RASGRP1: variants seen among roughly 807,000 people sequenced by gnomAD.
RASGRP1 encodes RAS guanyl releasing protein 1.
Under a neutral mutation model 95.1 loss-of-function variants are expected in RASGRP1, and 37 were observed. The ratio of observed to expected loss-of-function variants is 0.39; its 90% CI spans 0.30 to 0.51. The LOEUF (loss-of-function observed/expected upper bound fraction) is 0.51, where lower values mean the gene tolerates loss of function less well. RASGRP1 is among the 20% of genes least tolerant of loss of function. The pLI is 0.80. For synonymous variants in RASGRP1, 325 were observed against 353.4 expected (o/e 0.92, Z 0.90); for missense variants, 711 against 965.4 (o/e 0.74, Z 3.49).
chr15:38,516,962 T>A (rs1465239410), intron 5 of RASGRP1, among the ~76,000 whole-genome samples: 1 of 152,126 alleles, frequency 6.6e-6, no homozygotes, highest in Non-Finnish European at 1.5e-5. Flanking sequence ...ATTATTTTCT[T>A]GTAATCAACC....
Position 38,559,836 on chromosome 15 carries a change from A to G in RASGRP1, c.205T>C (p.Cys69Arg). 1 of 1,613,834 alleles carries G rather than the reference A, an allele frequency of 6.2e-7. No individual in the cohort carries two copies. The highest frequency in any genetic ancestry group is 8.5e-7 in the Non-Finnish European group (1 of 1,179,724). Residue 69 changes from cysteine (C) to arginine (R), a missense_variant, in exon 2 of 17, where the codon TGC (cysteine) becomes CGC (arginine). Around this residue, in one of 3 missense-constraint regions of RASGRP1, gnomAD observed 491 missense variants for 676.6 expected, o/e 0.73. Transcript: ENST00000310803. Reference sequence around the variant, plus strand: ...GCCAACTTACCAAAAGATTGAATGCAGCTGTCAATGAGATCGTCCAGGCTG... The same window carrying G: ...GCCAACTTACCAAAAGATTGAATGCGGCTGTCAATGAGATCGTCCAGGCTG... ...GASLDDLIDS[C>R]IQSFDADGNL...
intron 15 of RASGRP1, among the ~76,000 whole-genome samples, chr15:38,498,312 A>G (rs1171029095): frequency 6.6e-6 from 1 of 152,214 alleles, no homozygotes; most frequent in African/African-American, 2.4e-5. Context: ...TACTCCTTGC[A>G]GTATGTTTCT....
intron 7 of RASGRP1, 109 bp downstream of exon 7, chr15:38,512,674 A>G (rs1891583558): frequency 2.2e-6 from 3 of 1,358,888 alleles, no homozygotes; most frequent in South Asian, 1.4e-5. Flanking sequence ...CCCCCTCGCC[A>G]TGGTTCAGGA....
intron 2 of RASGRP1, among the ~76,000 whole-genome samples, chr15:38,550,291 A>C (rs902778109): frequency 3.3e-5 from 5 of 151,870 alleles, no homozygotes; most frequent in African/African-American, 1.2e-4. Context: ...TAATACAGAC[A>C]AAAGATCTTT....
intron 2 of RASGRP1, among the ~76,000 whole-genome samples, chr15:38,546,087 C>T (rs1893092775): frequency 6.6e-6 from 1 of 152,170 alleles, no homozygotes; most frequent in African/African-American, 2.4e-5. Context: ...CTCTGGCAAG[C>T]TGCATTATTA....
In RASGRP1 at chr15:38,489,800, A is replaced by G. The variant is rs941474574; in HGVS notation, c.*754T>C. ...ATATAAGGACAAACATGTTTGCGTT[A>G]TGTTTATTTTAATTAGACAGTAATA... On this transcript the variant is annotated 3_prime_UTR_variant, in exon 17 of 17. Coordinates refer to ENST00000310803, the MANE Select transcript of RASGRP1 (RefSeq NM_005739.4). The G allele has an allele frequency of 6.6e-6, 1 of 151,844 alleles. No individual in the cohort carries two copies. Among genetic ancestry groups the G allele is most frequent in the African/African-American group, 2.4e-5 (1 of 41,366 alleles). 9.4% of individuals were successfully genotyped at this position (151,844 alleles called of 1,614,324 possible).
At chr15:38,502,290 A>G (rs1226413026) in intron 12 of RASGRP1, 22 bp downstream of exon 12, 3 of 1,514,338 alleles carry the variant, frequency 2.0e-6, no homozygotes, top group East Asian at 4.5e-5. Context: ...ATAACCACAT[A>G]TTCCTAAGTA....
At chr15:38,499,975 C>T (rs1890948847) in intron 14 of RASGRP1, 128 bp downstream of exon 14, 5 of 876,474 alleles carry the variant, frequency 5.7e-6, no homozygotes, top group African/African-American at 1.6e-5. Flanking sequence ...TAGGCCTCAC[C>T]AGCCCTGTGG....
chr15:38,555,520 C>T (rs1286047862), intron 2 of RASGRP1, among the ~76,000 whole-genome samples: 1 of 152,216 alleles, frequency 6.6e-6, no homozygotes, highest in African/African-American at 2.4e-5. Context: ...GAGATCCAGG[C>T]TTGCCCCAAC....
Position 38,503,337 on chromosome 15 carries a change from C to T in RASGRP1, c.1363G>A (p.Ala455Thr). Residue 455 changes from alanine to threonine, a missense_variant, in exon 11 of 17, where the codon GCT (alanine) becomes ACT (threonine). By Grantham distance (58) the Ala-to-Thr change is moderately conservative. Transcript: ENST00000310803. The part of the protein sequence containing the change: ...PSKPPVVVDW[A>T]SGVSPKPDPK... ...TCAGGTTTGGGAGACACTCCAGAAGCCCAGTCCACTACTACTGGTGGCTTT... is the reference window on the plus strand; with the variant it reads ...TCAGGTTTGGGAGACACTCCAGAAGTCCAGTCCACTACTACTGGTGGCTTT... The T allele has an allele frequency of 6.2e-7, 1 of 1,612,446 alleles. No homozygotes were observed. Among genetic ancestry groups the T allele is most frequent in the East Asian group, 2.2e-5 (1 of 44,808 alleles).
At chr15:38,519,436 G>A in intron 3 of RASGRP1, 65 bp from the exon 4 acceptor site, 1 of 1,212,656 alleles carries the variant, frequency 8.2e-7, no homozygotes, top group Non-Finnish European at 1.2e-6. Flanking sequence ...TTCATCTTTG[G>A]AAGTATTTGC....
At chr15:38,493,445 TG>T in intron 16 of RASGRP1, among the ~76,000 whole-genome samples, 1 of 151,460 alleles carries the variant, frequency 6.6e-6, no homozygotes. Flanking sequence ...CCCAAAGTGC[TG>T]GGGGCATGAG....
intron 2 of RASGRP1, among the ~76,000 whole-genome samples, chr15:38,555,969 G>A (rs769263601): frequency 6.6e-6 from 1 of 152,098 alleles, no homozygotes; most frequent in Non-Finnish European, 1.5e-5. Context: ...AGAGCTTTGT[G>A]AATTCAGACA....
intron 12 of RASGRP1, chr15:38,501,503 A>T: frequency 1.4e-6 from 1 of 701,322 alleles, no homozygotes; most frequent in South Asian, 1.5e-5. Context: ...ATTTCCACAG[A>T]GGTGTTCTTT....
chr15:38,537,158 C>T (rs1892686065), intron 2 of RASGRP1, among the ~76,000 whole-genome samples: 1 of 152,060 alleles, frequency 6.6e-6, no homozygotes, highest in Non-Finnish European at 1.5e-5. Context: ...TAGTTCATCA[C>T]TGTGCCAGCG....
chr15:38,554,812 T>C (rs1677269754), intron 2 of RASGRP1, among the ~76,000 whole-genome samples: 1 of 152,234 alleles, frequency 6.6e-6, no homozygotes, highest in Non-Finnish European at 1.5e-5. Context: ...ACGTGAAATC[T>C]TGTAGCCACG....
intron 2 of RASGRP1, among the ~76,000 whole-genome samples, chr15:38,547,856 T>C (rs946005025): frequency 4.0e-5 from 6 of 151,878 alleles, no homozygotes; most frequent in South Asian, 2.1e-4. Flanking sequence ...TGTGTGTGTG[T>C]GCGCGCGCGC....
chr15:38,494,861 T>G, intron 15 of RASGRP1, 94 bp from the exon 16 acceptor site: 1 of 1,112,898 alleles, frequency 9.0e-7, no homozygotes, highest in Non-Finnish European at 1.2e-6. Context: ...TTCTTATTGT[T>G]ACTGGAGTTC....
At chr15:38,557,601 A>ATGTGTGTGTG (rs5812045) in intron 2 of RASGRP1, among the ~76,000 whole-genome samples, 5,167 of 145,292 alleles carry the variant, frequency 0.036, 245 homozygotes, top group East Asian at 0.24. Flanking sequence ...TTGTATATAT[A>ATGTGTGTGTG]TGTGTGTGTG....
Sources: allele counts gnomAD v4.1 joint callset (sites outside exome capture counted in the v4.1 genomes callset), GRCh38; gene constraint gnomAD v4.1.1; regional missense constraint gnomAD v4.1.1; transcripts MANE v1.5; gene names NCBI Gene and HGNC (gene_info 2026-07-23, HGNC 2026-07-21).